Variants in MAGI2 observed in about 807,000 individuals in gnomAD.
MAGI2 encodes the protein membrane-associated guanylate kinase, WW and PDZ domain-containing protein 2.
MAGI2 carries 35 observed loss-of-function variants against 133.3 expected under a neutral mutation model. The ratio of observed to expected loss-of-function variants is 0.26; its 90% CI spans 0.20 to 0.35. The LOEUF is 0.35. Ranked by LOEUF, MAGI2 falls within the 10% of genes least tolerant of loss-of-function variation. The pLI, the probability that MAGI2 is intolerant of heterozygous loss-of-function variation, is 1.00. For missense variants in MAGI2, 1,636 were observed against 1,863.4 expected (o/e 0.88, Z 2.25); for synonymous variants, 729 against 710.6 (o/e 1.03, Z -0.41).
chr7:78,974,180 T>C (rs187407340), intron 2 of MAGI2, among the ~76,000 whole-genome samples: 1 of 151,806 alleles, frequency 6.6e-6, no homozygotes, highest in Non-Finnish European at 1.5e-5. Flanking sequence ...GAATGTACCT[T>C]GATGTATTTT....
At chr7:78,779,184 G>A (rs1250135177) in intron 2 of MAGI2, among the ~76,000 whole-genome samples, 1 of 152,098 alleles carries the variant, frequency 6.6e-6, no homozygotes, top group African/African-American at 2.4e-5. Context: ...GGGATTACAG[G>A]CGTAAGCCAC....
intron 2 of MAGI2, among the ~76,000 whole-genome samples, chr7:78,988,681 G>A (rs187793383): frequency 7.2e-5 from 11 of 152,180 alleles, no homozygotes; most frequent in Admixed American, 5.2e-4. Flanking sequence ...TGGTGGTGCT[G>A]AAAGCACTCT....
chr7:78,077,732 T>TTTTG (rs1815500278), intron 21 of MAGI2, among the ~76,000 whole-genome samples: 1 of 146,138 alleles, frequency 6.8e-6, no homozygotes, highest in African/African-American at 2.6e-5. Context: ...AATGTTTTTT[T>TTTTG]TTTTTTTTTT....
At chr7:78,031,862 A>G (rs866377008) in intron 21 of MAGI2, among the ~76,000 whole-genome samples, 3 of 152,092 alleles carry the variant, frequency 2.0e-5, no homozygotes, top group Non-Finnish European at 2.9e-5. Context: ...GGTATTCATG[A>G]TCTTCCTCCT....
chr7:79,322,527 T>A (rs554565931), intron 1 of MAGI2, among the ~76,000 whole-genome samples: 6 of 151,216 alleles, frequency 4.0e-5, no homozygotes, highest in African/African-American at 7.3e-5. Flanking sequence ...AAAAAAAAAA[T>A]TAGGGCTTAG....
chr7:79,020,198 C>A (rs1281718705), intron 1 of MAGI2, among the ~76,000 whole-genome samples: 1 of 152,058 alleles, frequency 6.6e-6, no homozygotes, highest in Admixed American at 6.6e-5. Flanking sequence ...TTTGTTCCTA[C>A]CTTAGAGACG....
chr7:78,639,401 A>C (rs1312839012), intron 2 of MAGI2, among the ~76,000 whole-genome samples: 1 of 152,184 alleles, frequency 6.6e-6, no homozygotes, highest in East Asian at 1.9e-4. Flanking sequence ...TGGAGGGAAG[A>C]AACAAAGAAG....
intron 1 of MAGI2, among the ~76,000 whole-genome samples, chr7:79,033,548 T>C (rs1441124003): frequency 6.6e-6 from 1 of 152,212 alleles, no homozygotes; most frequent in Non-Finnish European, 1.5e-5. Context: ...CAAGACTCAA[T>C]ACTCCAAAGG....
chr7:78,205,168 T>C (rs1186908295), intron 10 of MAGI2, among the ~76,000 whole-genome samples: 1 of 152,222 alleles, frequency 6.6e-6, no homozygotes, highest in African/African-American at 2.4e-5. Flanking sequence ...TCTCACTTGG[T>C]CACCCCACGC....
At chr7:78,498,819 G>A (rs757580918) in intron 5 of MAGI2, among the ~76,000 whole-genome samples, 6 of 152,060 alleles carry the variant, frequency 3.9e-5, no homozygotes, top group South Asian at 2.1e-4. Context: ...CTTAGCAGGC[G>A]TCGTAGACTA....
At chr7:78,481,231 AC>A (rs1792338631) in intron 6 of MAGI2, among the ~76,000 whole-genome samples, 1 of 151,986 alleles carries the variant, frequency 6.6e-6, no homozygotes, top group Non-Finnish European at 1.5e-5. Flanking sequence ...TCACAGTTGT[AC>A]ATGGCTGAGG....
chr7:79,404,134 A>C (rs1409506760), intron 1 of MAGI2, among the ~76,000 whole-genome samples: 1 of 152,080 alleles, frequency 6.6e-6, no homozygotes, highest in Non-Finnish European at 1.5e-5. Flanking sequence ...GAAAAATGAC[A>C]CCTGGCAAGG....
intron 2 of MAGI2, among the ~76,000 whole-genome samples, chr7:78,775,194 T>C (rs201933316): frequency 3.6e-4 from 54 of 151,608 alleles, no homozygotes; most frequent in Non-Finnish European, 6.3e-4. Context: ...GCGCCTGTAG[T>C]CCCAGCTACT....
chr7:79,354,920 C>T (rs1452646327), intron 1 of MAGI2, among the ~76,000 whole-genome samples: 1 of 152,144 alleles, frequency 6.6e-6, no homozygotes, highest in African/African-American at 2.4e-5. Context: ...TTCCCCTGGA[C>T]CCAATAGGTG....
At chr7:78,754,100 T>TAA (rs1010732236) in intron 2 of MAGI2, among the ~76,000 whole-genome samples, 11 of 151,956 alleles carry the variant, frequency 7.2e-5, no homozygotes, top group Non-Finnish European at 1.5e-5. Flanking sequence ...CATATATATA[T>TAA]AAATATTAAA....
At chr7:78,536,760 T>TTG (rs1491115199) in intron 3 of MAGI2, among the ~76,000 whole-genome samples, 423 of 10,146 alleles carry the variant, frequency 0.042, 2 homozygotes, top group Middle Eastern at 0.12. Flanking sequence ...TTTGTTGTTG[T>TTG]TTTTTTTTTT....
At chr7:78,635,100 T>C (rs1022117726) in intron 2 of MAGI2, among the ~76,000 whole-genome samples, 2 of 152,208 alleles carry the variant, frequency 1.3e-5, no homozygotes, top group African/African-American at 4.8e-5. Flanking sequence ...CATGAGTTAA[T>C]GAAAGCATAC....
chr7:78,584,417 C>T lies in MAGI2; in HGVS notation c.538+42703G>A, dbSNP rs7790664. ...CCTGGGTGACAGAGTGAGACTCCGT[C>T]TCAGAAAAAAAAAAAAAAAAAAAAA... On this transcript the variant is annotated intron_variant, in intron 3 of 21. Transcript: ENST00000354212. 6.1e-5 allele frequency among the ~76,000 whole-genome samples: 5 copies of T among 81,646 alleles called. No homozygotes were observed. In the South Asian group the frequency reaches 1.5e-3, roughly 24 times the overall value. 53.6% of individuals were successfully genotyped at this position (81,646 alleles called of 152,430 possible).
At chr7:79,358,194 C>T (rs938105250) in intron 1 of MAGI2, among the ~76,000 whole-genome samples, 2 of 151,978 alleles carry the variant, frequency 1.3e-5, no homozygotes, top group African/African-American at 4.8e-5. Flanking sequence ...CTAACGCCAA[C>T]ACTTCCCCCT....
Sources: gnomAD v4.1 joint callset for allele counts (sites outside exome capture counted in the v4.1 genomes callset) on GRCh38, gnomAD v4.1.1 for gene constraint, MANE v1.5 for transcripts, NCBI Gene and HGNC (gene_info 2026-07-23, HGNC 2026-07-21) for gene names.